The following DOCK4 variants were observed in gnomAD, a reference collection of about 807,000 sequenced individuals.
DOCK4 encodes the protein dedicator of cytokinesis 4, also known as dedicator of cytokinesis protein 4.
In DOCK4, 97 loss-of-function variants were observed where a neutral mutation model predicts 268.1. That is an observed-to-expected ratio of 0.36 (90% CI 0.31 to 0.43). DOCK4 has a LOEUF of 0.43. DOCK4 is among the 20% of genes least tolerant of loss of function. The pLI, the probability that DOCK4 is intolerant of heterozygous loss-of-function variation, is 1.00. For synonymous variants in DOCK4, 954 were observed against 887.2 expected (o/e 1.08, Z -1.34); for missense variants, 2,145 against 2,455.7 (o/e 0.87, Z 2.67).
chr7:112,078,423 G>C (rs1808274900), intron 1 of DOCK4, among the ~76,000 whole-genome samples: 1 of 151,916 alleles, frequency 6.6e-6, no homozygotes, highest in Non-Finnish European at 1.5e-5. Context: ...TGATTACCAA[G>C]AACAAGGTAT....
At chr7:111,749,444 T>C (rs928976939) in intron 42 of DOCK4, among the ~76,000 whole-genome samples, 34 of 152,182 alleles carry the variant, frequency 2.2e-4, no homozygotes, top group Admixed American at 2.6e-4. Flanking sequence ...AATGTATATA[T>C]AGTTAACACT....
At chr7:111,739,532 C>T in intron 47 of DOCK4, 55 bp from the exon 48 acceptor site, 1 of 1,414,392 alleles carries the variant, frequency 7.1e-7, no homozygotes, top group Non-Finnish European at 9.8e-7. Flanking sequence ...TCCCACGACA[C>T]TGACGTATTT....
At chr7:111,978,051 C>A (rs1226776612) in intron 7 of DOCK4, among the ~76,000 whole-genome samples, 2 of 152,138 alleles carry the variant, frequency 1.3e-5, no homozygotes, top group Admixed American at 1.3e-4. Context: ...GATCATTCAT[C>A]CAACATACAT....
intron 23 of DOCK4, among the ~76,000 whole-genome samples, chr7:111,853,780 C>T (rs1423624351): frequency 6.6e-6 from 1 of 152,180 alleles, no homozygotes; most frequent in Non-Finnish European, 1.5e-5. Context: ...GGTAGTTACG[C>T]CACCTCCTGG....
At chr7:112,189,955 T>C (rs111595313) in intron 1 of DOCK4, among the ~76,000 whole-genome samples, 2 of 152,262 alleles carry the variant, frequency 1.3e-5, no homozygotes, top group South Asian at 2.1e-4. Context: ...TCAGATTTTA[T>C]GTAACTAATT....
chr7:112,109,909 T>G (rs1811490657), intron 1 of DOCK4, among the ~76,000 whole-genome samples: 1 of 148,928 alleles, frequency 6.7e-6, no homozygotes, highest in African/African-American at 2.6e-5. Context: ...CACGCCCGGC[T>G]AATTTTTTTG....
intron 1 of DOCK4, among the ~76,000 whole-genome samples, chr7:112,150,757 C>T (rs62475991): frequency 0.13 from 19,453 of 152,166 alleles, 1,609 homozygotes; most frequent in East Asian, 0.19. Context: ...CCTCAACCTC[C>T]CCAAAACTTA....
intron 41 of DOCK4, among the ~76,000 whole-genome samples, chr7:111,756,265 C>T (rs1052486985): frequency 4.6e-5 from 7 of 152,110 alleles, no homozygotes; most frequent in African/African-American, 1.2e-4. Context: ...AGAAGAATGG[C>T]GTGAACTTGG....
chr7:111,788,317 T>C (rs1799312146), intron 32 of DOCK4, among the ~76,000 whole-genome samples: 3 of 152,150 alleles, frequency 2.0e-5, no homozygotes, highest in African/African-American at 7.2e-5. Flanking sequence ...AACATTACAA[T>C]CACACCCCTT....
chr7:112,002,222 C>CAAAA (rs1213018756), intron 2 of DOCK4, among the ~76,000 whole-genome samples: 1 of 152,110 alleles, frequency 6.6e-6, no homozygotes, highest in Non-Finnish European at 1.5e-5. Flanking sequence ...AAATCAGAAT[C>CAAAA]TCTATATCTC....
intron 8 of DOCK4, among the ~76,000 whole-genome samples, chr7:111,972,942 C>T (rs1195560641): frequency 6.6e-6 from 1 of 151,368 alleles, no homozygotes; most frequent in African/African-American, 2.4e-5. Flanking sequence ...CTCTAATCAC[C>T]CTCCCACCCT....
chr7:111,827,033 C>T (rs1005015176), intron 26 of DOCK4, among the ~76,000 whole-genome samples: 3 of 152,104 alleles, frequency 2.0e-5, no homozygotes, highest in Admixed American at 2.0e-4. Flanking sequence ...GAGGCTGCTA[C>T]ACAGACTAGG....
intron 25 of DOCK4, among the ~76,000 whole-genome samples, chr7:111,837,101 C>T (rs1803296356): frequency 6.6e-6 from 1 of 151,580 alleles, no homozygotes; most frequent in African/African-American, 2.4e-5. Flanking sequence ...TTGCTTATAG[C>T]CAGTGGTAGA....
At chr7:112,050,287 T>G (rs1285324550) in intron 1 of DOCK4, among the ~76,000 whole-genome samples, 1 of 152,038 alleles carries the variant, frequency 6.6e-6, no homozygotes, top group Non-Finnish European at 1.5e-5. Flanking sequence ...GGTCTCCAAC[T>G]GAGATAAACG....
At chr7:111,996,392 A>C (rs1799958524) in intron 4 of DOCK4, among the ~76,000 whole-genome samples, 1 of 152,226 alleles carries the variant, frequency 6.6e-6, no homozygotes, top group African/African-American at 2.4e-5. Flanking sequence ...GTTACCTCTG[A>C]AATTATATTT....
At position 111,894,035 on chromosome 7, in the gene DOCK4, G is replaced by A. The variant is rs188824005; in HGVS notation, c.1587+1577C>T. ...TCAGGAGATAGAGACCATCCTGGCT[G>A]ACACGGTGAAACCCCGTCTCTACTA... On this transcript the variant is annotated intron_variant, in intron 16 of 52. Coordinates refer to ENST00000428084, the MANE Select transcript of DOCK4 (RefSeq NM_001363540.2). Among the ~76,000 whole-genome samples the A allele has an allele frequency of 3.4e-3, 519 of 152,116 alleles. 4 individuals carry two copies. The highest frequency in any genetic ancestry group is 0.012 in the African/African-American group (493 of 41,520).
intron 1 of DOCK4, among the ~76,000 whole-genome samples, chr7:112,093,447 A>AGG (rs145142890): frequency 7.3e-5 from 11 of 151,050 alleles, no homozygotes; most frequent in African/African-American, 1.5e-4. Context: ...ATACATTTAA[A>AGG]GGGGGGGGGA....
At chr7:112,035,664 G>A (rs973931251) in intron 1 of DOCK4, among the ~76,000 whole-genome samples, 25 of 152,058 alleles carry the variant, frequency 1.6e-4, no homozygotes, top group African/African-American at 5.8e-4. Flanking sequence ...ATTAAAGGAA[G>A]GAGAGAGAAT....
At chr7:111,957,676 C>A (rs1796550758) in intron 8 of DOCK4, among the ~76,000 whole-genome samples, 1 of 152,000 alleles carries the variant, frequency 6.6e-6, no homozygotes, top group African/African-American at 2.4e-5. Flanking sequence ...ATTTTTTGTT[C>A]CTGTTTTATT....
Sources: gnomAD v4.1 joint callset for allele counts (sites outside exome capture counted in the v4.1 genomes callset) on GRCh38, gnomAD v4.1.1 for gene constraint, MANE v1.5 for transcripts, NCBI Gene and HGNC (gene_info 2026-07-23, HGNC 2026-07-21) for gene names.